SVEP1: variants seen among roughly 807,000 people sequenced by gnomAD.
SVEP1 encodes sushi, von Willebrand factor type A, EGF and pentraxin domain-containing protein 1.
In SVEP1, 164 loss-of-function variants were observed where a neutral mutation model predicts 367.3. The ratio of observed to expected loss-of-function variants is 0.45; its 90% CI spans 0.39 to 0.51. SVEP1 has a LOEUF of 0.51. Among genes scored for constraint, SVEP1 ranks in the 20% least tolerant of loss-of-function variants. The pLI is 0.00. For missense variants in SVEP1, 4,117 were observed against 4,425.3 expected (o/e 0.93, Z 1.98); for synonymous variants, 1,666 against 1,611.6 (o/e 1.03, Z -0.81).
chr9:110,450,366 T>C, intron 23 of SVEP1, 106 bp from the exon 24 acceptor site: 1 of 1,112,178 alleles, frequency 9.0e-7, no homozygotes, highest in Non-Finnish European at 1.3e-6. Flanking sequence ...AGGATTGGAA[T>C]GGAGGCTGTG....
rs10980456 is a variant in SVEP1, at chr9:110,574,876, G to A, written c.531+4137C>T. Among the ~76,000 whole-genome samples the A allele has an allele frequency of 2.1e-3, 325 of 151,256 alleles. 1 individual carries two copies. Among genetic ancestry groups the A allele is most frequent in the African/African-American group, 7.5e-3 (308 of 41,142 alleles). ...TTCTCCTGCCTCAGCCTCCCGAGTA[G>A]CTGGGACTACAGGCACCCACCACCA... is the stretch of plus-strand genomic sequence containing the variant. On this transcript the variant is annotated intron_variant, in intron 1 of 47. Transcript: ENST00000374469.
At chr9:110,479,586 A>G (rs1313450685) in intron 13 of SVEP1, 49 bp downstream of exon 13, 4 of 1,551,332 alleles carry the variant, frequency 2.6e-6, no homozygotes, top group Admixed American at 2.1e-5. Flanking sequence ...CAGAAAGGTT[A>G]TGAAAGCCTT....
intron 9 of SVEP1, among the ~76,000 whole-genome samples, chr9:110,488,647 A>C (rs1829322041): frequency 6.6e-6 from 1 of 152,122 alleles, no homozygotes; most frequent in African/African-American, 2.4e-5. Context: ...GGATCACTTG[A>C]GGCCAGGAGT....
intron 1 of SVEP1, among the ~76,000 whole-genome samples, chr9:110,570,174 A>T (rs1296777361): frequency 6.6e-6 from 1 of 152,128 alleles, no homozygotes; most frequent in Non-Finnish European, 1.5e-5. Context: ...GTCTGGAGAG[A>T]TTTAGAGAAC....
intron 22 of SVEP1, among the ~76,000 whole-genome samples, chr9:110,454,519 C>G (rs963814815): frequency 3.3e-5 from 5 of 152,116 alleles, no homozygotes; most frequent in Admixed American, 1.3e-4. Flanking sequence ...TAAGTTCATC[C>G]CAGTGCTATT....
intron 8 of SVEP1, 90 bp downstream of exon 8, chr9:110,496,725 C>T (rs1829452264): frequency 1.1e-6 from 1 of 883,304 alleles, no homozygotes; most frequent in African/African-American, 1.7e-5. Context: ...CAAGTATTAC[C>T]ATGAGCATAT....
chr9:110,389,741 T>G (rs982834387), intron 40 of SVEP1, among the ~76,000 whole-genome samples, 154 bp from the exon 41 acceptor site: 1 of 152,132 alleles, frequency 6.6e-6, no homozygotes, highest in African/African-American at 2.4e-5. Flanking sequence ...CTAAATCTAC[T>G]CCTTAAACTG....
chr9:110,434,273 A>T, intron 30 of SVEP1, 63 bp downstream of exon 30: 3 of 1,504,470 alleles, frequency 2.0e-6, no homozygotes, highest in Non-Finnish European at 2.7e-6. Context: ...GCATTCCTGA[A>T]AAGAGTTATG....
At chr9:110,552,603 G>C (rs1393337181) in intron 1 of SVEP1, among the ~76,000 whole-genome samples, 1 of 151,912 alleles carries the variant, frequency 6.6e-6, no homozygotes, top group East Asian at 1.9e-4. Flanking sequence ...TGGGAGACAG[G>C]GACAGAGTGC....
Position 110,408,342 on chromosome 9 carries a change from T to G in SVEP1, c.7258A>C (p.Thr2420Pro). 1 of 1,613,830 alleles carries G rather than the reference T, an allele frequency of 6.2e-7. No individual in the cohort carries two copies. The highest frequency in any genetic ancestry group is 2.2e-5 in the East Asian group (1 of 44,870). ...CAGGTGCCATCAGGTTGGCAGAGGG[T>G]GGTAGAATTTCCTCTTAGGAAAAAC... ...GGFFLRGNST[T>P]LCQPDGTWSS... The change falls in exon 38 of 48, where the codon ACC becomes CCC. Residue 2420 changes from threonine to proline, a missense_variant. Around this residue, in one of 4 missense-constraint regions of SVEP1, gnomAD observed 1,765 missense variants for 1,781.1 expected, o/e 0.99. Transcript: ENST00000374469.
intron 32 of SVEP1, among the ~76,000 whole-genome samples, chr9:110,430,905 A>G (rs1828341130): frequency 6.6e-6 from 1 of 152,128 alleles, no homozygotes; most frequent in Admixed American, 6.6e-5. Context: ...GGCTCTCCCT[A>G]TCTACAGATT....
chr9:110,476,628 C>T (rs1226550694), intron 13 of SVEP1, among the ~76,000 whole-genome samples: 1 of 152,156 alleles, frequency 6.6e-6, no homozygotes, highest in Admixed American at 6.5e-5. Context: ...CTGACCCCAT[C>T]TCCCACTCCT....
At chr9:110,568,524 A>G (rs1288284297) in intron 1 of SVEP1, among the ~76,000 whole-genome samples, 1 of 152,128 alleles carries the variant, frequency 6.6e-6, no homozygotes, top group Non-Finnish European at 1.5e-5. Flanking sequence ...TTTCTTAAAT[A>G]TGTAGATAAA....
At chr9:110,453,174 C>T (rs985498158) in intron 22 of SVEP1, among the ~76,000 whole-genome samples, 6 of 152,134 alleles carry the variant, frequency 3.9e-5, no homozygotes, top group Middle Eastern at 6.8e-3. Context: ...TATATACCCA[C>T]ACATATTAAA....
chr9:110,405,493 T>C (rs191476278), intron 38 of SVEP1, among the ~76,000 whole-genome samples: 8 of 151,716 alleles, frequency 5.3e-5, no homozygotes, highest in African/African-American at 1.9e-4. Context: ...GTATTATGAA[T>C]ACCTACGTGG....
intron 46 of SVEP1, among the ~76,000 whole-genome samples, chr9:110,373,615 A>G (rs530956551): frequency 6.6e-6 from 1 of 152,312 alleles, no homozygotes; most frequent in Admixed American, 6.5e-5. Flanking sequence ...TCATAAATAT[A>G]GCAAGCCCTA....
rs2118488539 is a variant in SVEP1 at position 110,406,121 on chromosome 9, T to C, written c.9440+39A>G. 5 of 1,516,284 alleles carry C rather than the reference T, an allele frequency of 3.3e-6. No homozygotes were observed. The African/African-American group carries it at 4.2e-5, about 13-fold the overall frequency. 93.9% of individuals were successfully genotyped at this position (1,516,284 alleles called of 1,614,324 possible). ...TCGATCACATTTCATTTCATAATCC[T>C]GCCCGCACCCCTTGGAGACCCTAGA... On this transcript the variant is annotated intron_variant, in intron 38 of 47. Coordinates refer to ENST00000374469, the MANE Select transcript of SVEP1 (RefSeq NM_153366.4).
At chr9:110,550,745 C>G (rs1830276279) in intron 1 of SVEP1, among the ~76,000 whole-genome samples, 1 of 152,092 alleles carries the variant, frequency 6.6e-6, no homozygotes, top group African/African-American at 2.4e-5. Context: ...TTGGTGGTAT[C>G]CAGAAATACT....
chr9:110,533,782 A>C (rs1830049734), intron 3 of SVEP1, among the ~76,000 whole-genome samples: 1 of 152,212 alleles, frequency 6.6e-6, no homozygotes, highest in Non-Finnish European at 1.5e-5. Flanking sequence ...AAACTTGGCT[A>C]ATCATGTAAC....
Sources: gnomAD v4.1 joint callset for allele counts (sites outside exome capture counted in the v4.1 genomes callset) on GRCh38, gnomAD v4.1.1 for gene constraint, gnomAD v4.1.1 regional missense constraint, MANE v1.5 for transcripts, NCBI Gene and HGNC (gene_info 2026-07-23, HGNC 2026-07-21) for gene names.